The following PIP4K2A variants were observed in gnomAD, a reference collection of about 807,000 sequenced individuals.
PIP4K2A encodes the protein phosphatidylinositol-5-phosphate 4-kinase type 2 alpha.
A neutral mutation model predicts 42.9 loss-of-function variants in PIP4K2A; 14 were observed. That is an observed-to-expected ratio of 0.33 (90% confidence interval 0.22 to 0.51). PIP4K2A has a LOEUF of 0.51. Ranked by LOEUF, PIP4K2A falls within the 20% of genes least tolerant of loss-of-function variation. The pLI, the probability that PIP4K2A is intolerant of heterozygous loss-of-function variation, is 0.97. For missense variants in PIP4K2A, 434 were observed against 519.8 expected (o/e 0.83, Z 1.61); for synonymous variants, 192 against 192.2 (o/e 1.00, Z 0.01).
chr10:22,570,706 C>T (rs1836963701), intron 5 of PIP4K2A, among the ~76,000 whole-genome samples: 2 of 152,228 alleles, frequency 1.3e-5, no homozygotes, highest in Non-Finnish European at 1.5e-5. Flanking sequence ...TATAATAATA[C>T]TGAGAAATTA....
intron 1 of PIP4K2A, among the ~76,000 whole-genome samples, chr10:22,711,497 G>A (rs1302022813): frequency 2.0e-5 from 3 of 152,178 alleles, no homozygotes; most frequent in Admixed American, 6.5e-5. Flanking sequence ...TGTGCACCTA[G>A]TAGACTGAAA....
At chr10:22,630,417 G>A (rs991049240) in intron 1 of PIP4K2A, among the ~76,000 whole-genome samples, 33 of 152,186 alleles carry the variant, frequency 2.2e-4, no homozygotes, top group African/African-American at 7.9e-4. Flanking sequence ...CAAGTGCTCT[G>A]CTTTGTAGCT....
chr10:22,578,203 C>A (rs1469398125), intron 4 of PIP4K2A, among the ~76,000 whole-genome samples: 2 of 152,188 alleles, frequency 1.3e-5, no homozygotes, highest in South Asian at 4.1e-4. Flanking sequence ...AAACACAAAC[C>A]CTTCTTTGAC....
chr10:22,687,954 T>C (rs1199074734), intron 1 of PIP4K2A, among the ~76,000 whole-genome samples: 1 of 152,174 alleles, frequency 6.6e-6, no homozygotes, highest in Non-Finnish European at 1.5e-5. Flanking sequence ...TAGTCACTAT[T>C]ATCTCTGTGA....
Position 22,562,191 on chromosome 10 carries a change from T to C in PIP4K2A, c.678+5660A>G, listed in dbSNP as rs139134366. 5.2e-3 allele frequency among the ~76,000 whole-genome samples: 793 copies of C among 152,136 alleles called. 8 individuals are homozygous for C. Among genetic ancestry groups the C allele is most frequent in the African/African-American group, 0.017 (717 of 41,486 alleles). On this transcript the variant is annotated intron_variant, in intron 6 of 9. Coordinates refer to ENST00000376573, the MANE Select transcript of PIP4K2A (RefSeq NM_005028.5). Reference sequence around the variant, plus strand: ...GATCATGGAAAGAAAACCCAAAGGATGGCAGAAAAGGGAAAGCAAAGACTT... The same window carrying C: ...GATCATGGAAAGAAAACCCAAAGGACGGCAGAAAAGGGAAAGCAAAGACTT...
At chr10:22,609,510 CA>C (rs749653414) in intron 2 of PIP4K2A, 109 bp downstream of exon 2, 13 of 694,534 alleles carry the variant, frequency 1.9e-5, no homozygotes, top group Non-Finnish European at 3.4e-5. Flanking sequence ...TTAACTTCAT[CA>C]GCAAAACTTT....
intron 1 of PIP4K2A, among the ~76,000 whole-genome samples, chr10:22,687,147 A>AC (rs1839781867): frequency 6.7e-6 from 1 of 148,872 alleles, no homozygotes; most frequent in South Asian, 2.1e-4. Flanking sequence ...GTCAGATTAA[A>AC]AAAAAAAAAA....
intron 1 of PIP4K2A, among the ~76,000 whole-genome samples, chr10:22,676,661 A>T (rs1471206585): frequency 6.6e-6 from 1 of 152,160 alleles, no homozygotes; most frequent in African/African-American, 2.4e-5. Flanking sequence ...CTTCCTGCTG[A>T]TGAATCAGAG....
At chr10:22,648,296 G>A (rs1330622563) in intron 1 of PIP4K2A, among the ~76,000 whole-genome samples, 9 of 152,168 alleles carry the variant, frequency 5.9e-5, no homozygotes, top group South Asian at 2.1e-4. Context: ...AATTAAGGAC[G>A]GTGTGGGGAG....
chr10:22,621,363 G>C (rs1053016363), intron 1 of PIP4K2A, among the ~76,000 whole-genome samples: 9 of 152,208 alleles, frequency 5.9e-5, no homozygotes, highest in African/African-American at 2.2e-4. Flanking sequence ...AGCACTCTAA[G>C]AAACTGATCT....
chr10:22,569,197 C>CT (rs1836921460), intron 5 of PIP4K2A: 2 of 661,434 alleles, frequency 3.0e-6, no homozygotes, highest in Non-Finnish European at 2.7e-6. Context: ...CAAGACCAGG[C>CT]TGGGGGGGTC....
At chr10:22,673,120 C>T (rs1282072174) in intron 1 of PIP4K2A, among the ~76,000 whole-genome samples, 2 of 152,176 alleles carry the variant, frequency 1.3e-5, no homozygotes, top group Non-Finnish European at 2.9e-5. Context: ...CCTACAAAGC[C>T]CCTGATCCCC....
chr10:22,713,505 C>T (rs1037323581), intron 1 of PIP4K2A, among the ~76,000 whole-genome samples: 1 of 152,226 alleles, frequency 6.6e-6, no homozygotes, highest in Non-Finnish European at 1.5e-5. Context: ...CGCACAGCGG[C>T]AGGGCGATGC....
intron 1 of PIP4K2A, among the ~76,000 whole-genome samples, chr10:22,647,339 T>TGC (rs1358536589): frequency 1.3e-5 from 2 of 151,796 alleles, no homozygotes; most frequent in African/African-American, 2.4e-5. Flanking sequence ...TGTGTGTGTG[T>TGC]GCACGCGCGT....
intron 1 of PIP4K2A, among the ~76,000 whole-genome samples, chr10:22,668,330 C>T (rs1241679706): frequency 1.3e-5 from 2 of 152,148 alleles, no homozygotes; most frequent in South Asian, 2.1e-4. Context: ...TCCCAGTAGG[C>T]CTTTTCATCA....
At chr10:22,573,172 G>A (rs1185554384) in intron 5 of PIP4K2A, 139 bp downstream of exon 5, 2 of 715,248 alleles carry the variant, frequency 2.8e-6, no homozygotes, top group African/African-American at 1.8e-5. Context: ...TTGCCTCACA[G>A]GAAGGAATAC....
At chr10:22,673,416 T>C (rs962782570) in intron 1 of PIP4K2A, among the ~76,000 whole-genome samples, 2 of 152,112 alleles carry the variant, frequency 1.3e-5, no homozygotes, top group Non-Finnish European at 2.9e-5. Flanking sequence ...CAGTCAAAGG[T>C]AGACCTAGAA....
chr10:22,668,225 C>T (rs965959824), intron 1 of PIP4K2A, among the ~76,000 whole-genome samples: 6 of 152,206 alleles, frequency 3.9e-5, no homozygotes, highest in African/African-American at 9.6e-5. Flanking sequence ...GCTAGGATTA[C>T]AGGCGTGAGC....
At position 22,563,350 on chromosome 10, in the gene PIP4K2A, A is replaced by C. The variant is rs141052305; in HGVS notation, c.678+4501T>G. On this transcript the variant is annotated intron_variant, in intron 6 of 9. Transcript: ENST00000376573. ...TAAGACACGTGATAAAGACTGCATTAAACGTAAAAGTTTTACAAATATGTA... is the reference window on the plus strand; with the variant it reads ...TAAGACACGTGATAAAGACTGCATTCAACGTAAAAGTTTTACAAATATGTA... Among the ~76,000 whole-genome samples, 754 of 152,384 alleles carry C rather than the reference A, an allele frequency of 4.9e-3. 7 individuals are homozygous for C. The highest frequency in any genetic ancestry group is 0.017 in the African/African-American group (714 of 41,594).
Sources: gnomAD v4.1 joint callset for allele counts (sites outside exome capture counted in the v4.1 genomes callset) on GRCh38, gnomAD v4.1.1 for gene constraint, MANE v1.5 for transcripts, NCBI Gene and HGNC (gene_info 2026-07-23, HGNC 2026-07-21) for gene names.